The following SHC2 variants were observed in gnomAD, a reference collection of about 807,000 sequenced individuals.
SHC2 encodes the protein SHC-transforming protein 2.
SHC2 carries 62 observed loss-of-function variants against 60.6 expected under a neutral mutation model. That is an observed-to-expected ratio of 1.02 (90% CI 0.83 to 1.26). The LOEUF (loss-of-function observed/expected upper bound fraction) is 1.26, where lower values mean the gene tolerates loss of function less well. SHC2 is among the 50% of genes most tolerant of loss of function. SHC2 has a pLI of 0.00. For missense variants in SHC2, 873 were observed against 822.2 expected (o/e 1.06, Z -0.76); for synonymous variants, 375 against 372.4 (o/e 1.01, Z -0.08).
At chr19:459,880 G>A (rs1975496781) in intron 1 of SHC2, among the ~76,000 whole-genome samples, 1 of 152,182 alleles carries the variant, frequency 6.6e-6, no homozygotes, top group Admixed American at 6.5e-5. Context: ...ACCCCTGCAG[G>A]TGACTTCACA....
At chr19:428,447 C>T (rs941779378) in intron 9 of SHC2, among the ~76,000 whole-genome samples, 1 of 152,210 alleles carries the variant, frequency 6.6e-6, no homozygotes, top group Non-Finnish European at 1.5e-5. Context: ...AATGATGTAA[C>T]CATGAGGAAG....
Position 424,961 on chromosome 19 carries a change from G to C in SHC2, c.1309+136C>G. The C allele has an allele frequency of 1.0e-6, 1 of 1,000,320 alleles. No individual in the cohort carries two copies. Among genetic ancestry groups the C allele is most frequent in the East Asian group, 2.9e-5 (1 of 34,150 alleles). The allele number at this position is 1,000,320 out of a possible 1,614,324, so 62.0% of individuals were successfully genotyped here. ...GCTTCCCCGTCCCACCCGTCGACTT[G>C]AAGGATCTCACGGGGAGAAGGGAGC... On this transcript the variant is annotated intron_variant, in intron 10 of 12. Coordinates refer to ENST00000264554, the MANE Select transcript of SHC2 (RefSeq NM_012435.3). This position sits in a 1 kb window ranked among gnomAD's most constrained non-coding sequence, Gnocchi z 4.5.
rs544191535 is a variant in SHC2, at chr19:429,862, C to A, written c.1174+822G>T. Among the ~76,000 whole-genome samples, 6 of 148,840 alleles carry A rather than the reference C, an allele frequency of 4.0e-5. No individual in the cohort carries two copies. The South Asian group carries it at 6.5e-4, about 16-fold the overall frequency. On this transcript the variant is annotated intron_variant, in intron 9 of 12. Coordinates refer to ENST00000264554, the MANE Select transcript of SHC2 (RefSeq NM_012435.3). Reference sequence around the variant, plus strand: ...ACCCAACACGCACAGAAACCTAACACCGTGTGGATGACGCAGTACCTATAT... The same window carrying A: ...ACCCAACACGCACAGAAACCTAACAACGTGTGGATGACGCAGTACCTATAT...
intron 9 of SHC2, among the ~76,000 whole-genome samples, chr19:430,469 G>A (rs973330031): frequency 1.3e-5 from 2 of 152,218 alleles, no homozygotes; most frequent in African/African-American, 4.8e-5. Flanking sequence ...TGTGGATAAT[G>A]TAGTACTTAT....
chr19:422,473 G>A lies in SHC2; in HGVS notation c.1310-17C>T, dbSNP rs1208788992. The A allele has an allele frequency of 1.3e-6, 2 of 1,501,804 alleles. No homozygotes were observed. Among genetic ancestry groups the A allele is most frequent in the Admixed American group, 2.2e-5 (1 of 45,920 alleles). The allele number at this position is 1,501,804 out of a possible 1,614,324, so 93.0% of individuals were successfully genotyped here. On this transcript the variant is annotated splice_polypyrimidine_tract_variant and intron_variant, in intron 10 of 12. Transcript: ENST00000264554. The surrounding 1 kb of genome is among the most constrained non-coding windows in gnomAD (Gnocchi z 5.0). ...CAAAGGGTCCTGCAGGCCAGGGACA[G>A]GAGTGCTGGGCAGGCAGGGGGCAAG...
At chr19:458,271 TGGGGAGGCGGAAGTGGGTCCC>T (rs1975418190) in intron 1 of SHC2, among the ~76,000 whole-genome samples, 2 of 56,666 alleles carry the variant, frequency 3.5e-5, no homozygotes, top group Non-Finnish European at 6.9e-5. Context: ...AAGCGGGTCT[TGGGGAGGCGGAAGTGGGTCCC>T]GGGGAGGCGG....
At chr19:420,006 G>T (rs1273261368) in intron 11 of SHC2, 3 of 152,230 alleles carry the variant, frequency 2.0e-5, no homozygotes, top group Admixed American at 2.0e-4. Flanking sequence ...CACATTCCTA[G>T]GCCTGTGGCA....
intron 9 of SHC2, among the ~76,000 whole-genome samples, chr19:429,750 T>A (rs34118192): frequency 0.057 from 1,517 of 26,758 alleles, no homozygotes; most frequent in Middle Eastern, 0.12. Flanking sequence ...CCCAACATGC[T>A]CGGAAACCTA....
intron 1 of SHC2, among the ~76,000 whole-genome samples, chr19:454,648 A>G (rs918666279): frequency 9.2e-5 from 14 of 152,122 alleles, no homozygotes; most frequent in African/African-American, 3.1e-4. Context: ...AAATTAGCTG[A>G]GCATGGTGGC....
chr19:453,952 T>C lies in SHC2; in HGVS notation c.468+6577A>G, dbSNP rs1975266945. ...ACGAGCCCAGCGCCAAAATGGTACG[T>C]GTGGGAGAACACGGGGTCGGTGTCC... On this transcript the variant is annotated intron_variant, in intron 1 of 12. Transcript: ENST00000264554. This position sits in a 1 kb window ranked among gnomAD's most constrained non-coding sequence, Gnocchi z 6.3. 6.6e-6 allele frequency among the ~76,000 whole-genome samples: 1 copy of C among 152,152 alleles called. No individual in the cohort carries two copies. Among genetic ancestry groups the C allele is most frequent in the African/African-American group, 2.4e-5 (1 of 41,446 alleles).
At chr19:430,972 C>CAGCA (rs1384892694) in intron 8 of SHC2, among the ~76,000 whole-genome samples, 7 of 152,212 alleles carry the variant, frequency 4.6e-5, no homozygotes, top group Non-Finnish European at 7.3e-5. Flanking sequence ...GGAAGGTGGT[C>CAGCA]AGCACATCCT....
rs1343763760 is a variant in SHC2, at chr19:438,595, C to T, written c.720+123G>A. ...CCCCAGCTCCTGCTCAGCGGGGCCTCGGCTCGTCTTTCTGGATAAACGCCA... is the reference window on the plus strand; with the variant it reads ...CCCCAGCTCCTGCTCAGCGGGGCCTTGGCTCGTCTTTCTGGATAAACGCCA... On this transcript the variant is annotated intron_variant, in intron 4 of 12. Transcript: ENST00000264554. This position sits in a 1 kb window ranked among gnomAD's most constrained non-coding sequence, Gnocchi z 5.0. 1.7e-5 allele frequency: 20 copies of T among 1,177,370 alleles called. No homozygotes were observed. Among genetic ancestry groups the T allele is most frequent in the Admixed American group, 7.1e-5 (3 of 42,410 alleles). 72.9% of individuals were successfully genotyped at this position (1,177,370 alleles called of 1,614,324 possible). A position where few individuals can be genotyped will look rare whatever the true frequency, so the allele number is the denominator to read the frequency against.
At chr19:420,587 G>A (rs749989197) in intron 11 of SHC2, among the ~76,000 whole-genome samples, 1 of 152,158 alleles carries the variant, frequency 6.6e-6, no homozygotes, top group African/African-American at 2.4e-5. Context: ...AATCTCATTG[G>A]CCCAGAGCAA....
In SHC2 at chr19:453,964, C is replaced by T. The variant is rs1975267114; in HGVS notation, c.468+6565G>A. ...CCAAAATGGTACGTGTGGGAGAACA[C>T]GGGGTCGGTGTCCACAGACCTTGGC... On this transcript the variant is annotated intron_variant, in intron 1 of 12. Transcript: ENST00000264554. This position sits in a 1 kb window ranked among gnomAD's most constrained non-coding sequence, Gnocchi z 6.3. 1.3e-5 allele frequency among the ~76,000 whole-genome samples: 2 copies of T among 152,200 alleles called. No homozygotes were observed. The highest frequency in any genetic ancestry group is 4.8e-5 in the African/African-American group (2 of 41,452).
In SHC2 at chr19:419,028, C is replaced by T. The variant is rs1974212659; in HGVS notation, c.1649G>A (p.Ser550Asn). Residue 550 changes from serine to asparagine, a missense_variant, in exon 12 of 13, where the codon AGC becomes AAC. Physicochemically the swap from Ser to Asn is conservative, Grantham distance 46. Coordinates refer to ENST00000264554, the MANE Select transcript of SHC2 (RefSeq NM_012435.3). ...VVRTKDVLFE[S>N]ISHLIDHHLQ... ...GTGGTGGTCGATCAGGTGGCTGATG[C>T]TCTCAAACAGCACGTCCTTCGTCCG... The T allele has an allele frequency of 2.5e-6, 4 of 1,586,696 alleles. No homozygotes were observed. The highest frequency in any genetic ancestry group is 3.4e-6 in the Non-Finnish European group (4 of 1,166,788).
intron 1 of SHC2, among the ~76,000 whole-genome samples, chr19:454,290 G>A (rs1975277709): frequency 6.6e-6 from 1 of 152,176 alleles, no homozygotes; most frequent in Non-Finnish European, 1.5e-5. Flanking sequence ...CTGGGCTCAT[G>A]AGACCCACGG....
intron 12 of SHC2, among the ~76,000 whole-genome samples, chr19:418,329 C>G (rs942884227): frequency 3.3e-5 from 5 of 152,254 alleles, no homozygotes; most frequent in Admixed American, 1.3e-4. Flanking sequence ...CCCACCACAG[C>G]CGACCGCAGT....
Position 460,492 on chromosome 19 carries a change from C to G in SHC2, c.468+37G>C, listed in dbSNP as rs1348959066. 3 of 976,134 alleles carry G rather than the reference C, an allele frequency of 3.1e-6. No homozygotes were observed. In the South Asian group the frequency reaches 1.2e-4, roughly 39 times the overall value. The allele number at this position is 976,134 out of a possible 1,614,324, so 60.5% of individuals were successfully genotyped here. A position where few individuals can be genotyped will look rare whatever the true frequency, so the allele number is the denominator to read the frequency against. ...GAGAGGGTGGGGGAGGGGAGGCCGC[C>G]GCGAACGGGCTCCCGGGGGGGGTGG... On this transcript the variant is annotated intron_variant, in intron 1 of 12. Transcript: ENST00000264554.
chr19:418,394 G>A (rs964210492), intron 12 of SHC2, among the ~76,000 whole-genome samples: 6 of 152,280 alleles, frequency 3.9e-5, no homozygotes, highest in African/African-American at 1.4e-4. Flanking sequence ...CCCACGGGCA[G>A]TGACGCGTGT....
Sources: allele counts gnomAD v4.1 joint callset (sites outside exome capture counted in the v4.1 genomes callset), GRCh38; gene constraint gnomAD v4.1.1; non-coding constraint Gnocchi (gnomAD v3.1); transcripts MANE v1.5; gene names NCBI Gene and HGNC (gene_info 2026-07-23, HGNC 2026-07-21).